The following LMTK2 variants were observed in gnomAD, a reference collection of about 807,000 sequenced individuals.
The protein encoded by LMTK2 is serine/threonine-protein kinase LMTK2.
LMTK2 carries 37 observed loss-of-function variants against 127.5 expected under a neutral mutation model. The ratio of observed to expected loss-of-function variants is 0.29; its 90% CI spans 0.22 to 0.38. The LOEUF (loss-of-function observed/expected upper bound fraction) is 0.38, where lower values mean the gene tolerates loss of function less well. Among genes scored for constraint, LMTK2 ranks in the 10% least tolerant of loss-of-function variants. The pLI is 1.00. For synonymous variants in LMTK2, 819 were observed against 810.1 expected, an observed-to-expected ratio of 1.01 and a Z score of -0.19; for missense variants, 1,694 against 1,920.3, an observed-to-expected ratio of 0.88 and a Z score of 2.20.
intron 1 of LMTK2, among the ~76,000 whole-genome samples, chr7:98,112,841 TC>T (rs1796222385): frequency 6.6e-6 from 1 of 152,106 alleles, no homozygotes; most frequent in Non-Finnish European, 1.5e-5. Flanking sequence ...CAACCTCAGC[TC>T]CCCACTGCAG....
chr7:98,152,325 A>G (rs1258024700), intron 4 of LMTK2, among the ~76,000 whole-genome samples: 1 of 152,262 alleles, frequency 6.6e-6, no homozygotes, highest in African/African-American at 2.4e-5. Context: ...TGGAGTAGGG[A>G]TTACATCGTA....
rs556819706 is a variant in LMTK2, at chr7:98,155,938, A to G, written c.569+1062A>G. ...TGGTAACAGTGAAAAGACGAGCCAC[A>G]GACTGGGAGAAAATAGCTGGAAACC... is the stretch of plus-strand genomic sequence containing the variant. On this transcript the variant is annotated intron_variant, in intron 5 of 13. Coordinates refer to ENST00000297293, the MANE Select transcript of LMTK2 (RefSeq NM_014916.4). Among the ~76,000 whole-genome samples, 4 of 152,332 alleles carry G rather than the reference A, an allele frequency of 2.6e-5. No individual in the cohort carries two copies. In the South Asian group the frequency reaches 8.3e-4, roughly 32 times the overall value.
chr7:98,180,116 A>G (rs1797333878), intron 7 of LMTK2, among the ~76,000 whole-genome samples: 1 of 152,240 alleles, frequency 6.6e-6, no homozygotes. Flanking sequence ...GTATTTTTTG[A>G]ATATTAGCCA....
chr7:98,123,246 C>T (rs961386828), intron 1 of LMTK2, among the ~76,000 whole-genome samples: 1 of 152,220 alleles, frequency 6.6e-6, no homozygotes, highest in African/African-American at 2.4e-5. Flanking sequence ...TATTCACACA[C>T]ATACGTGCAT....
Position 98,107,128 on chromosome 7 carries a change from C to G in LMTK2, c.-50C>G. ...ATCGACTGACGGGCGAACGGACGGA[C>G]GGACGGAAGGCGACTCGAGGGCCGG... On this transcript the variant is annotated 5_prime_UTR_variant, in exon 1 of 14. Transcript: ENST00000297293. 7.5e-7 allele frequency: 1 copy of G among 1,331,746 alleles called. No homozygotes were observed. Among genetic ancestry groups the G allele is most frequent in the East Asian group, 3.1e-5 (1 of 32,332 alleles). The allele number at this position is 1,331,746 out of a possible 1,614,324, so 82.5% of individuals were successfully genotyped here. A position where few individuals can be genotyped will look rare whatever the true frequency, so the allele number is the denominator to read the frequency against.
chr7:98,136,919 T>C (rs1485954601), intron 1 of LMTK2, among the ~76,000 whole-genome samples: 3 of 152,142 alleles, frequency 2.0e-5, no homozygotes, highest in East Asian at 3.8e-4. Context: ...AAATGCAACG[T>C]TGGTAGTTTG....
At chr7:98,152,170 G>T (rs950674902) in intron 4 of LMTK2, among the ~76,000 whole-genome samples, 1 of 152,108 alleles carries the variant, frequency 6.6e-6, no homozygotes, top group Non-Finnish European at 1.5e-5. Context: ...AGACCACCAT[G>T]AACAACTAGT....
intron 2 of LMTK2, among the ~76,000 whole-genome samples, chr7:98,140,380 G>A (rs75607328): frequency 9.4e-4 from 142 of 151,820 alleles, no homozygotes; most frequent in African/African-American, 3.1e-3. Flanking sequence ...TAGAGCTCTC[G>A]GGCTCAAGTG....
chr7:98,143,731 A>G (rs976836731), intron 3 of LMTK2, among the ~76,000 whole-genome samples: 1 of 152,214 alleles, frequency 6.6e-6, no homozygotes, highest in African/African-American at 2.4e-5. Flanking sequence ...GGCAACATGT[A>G]TCAAAATATG....
chr7:98,166,272 G>A (rs1260560728), intron 6 of LMTK2, among the ~76,000 whole-genome samples: 2 of 152,234 alleles, frequency 1.3e-5, no homozygotes, highest in African/African-American at 4.8e-5. Flanking sequence ...TATAACCAAG[G>A]TGTGCACCTG....
chr7:98,173,747 T>C (rs1233626698), intron 7 of LMTK2, among the ~76,000 whole-genome samples: 2 of 152,198 alleles, frequency 1.3e-5, no homozygotes, highest in Non-Finnish European at 2.9e-5. Context: ...ATTCAAGTTC[T>C]AAAACTCAAG....
At chr7:98,126,101 G>C (rs1423208976) in intron 1 of LMTK2, among the ~76,000 whole-genome samples, 1 of 152,156 alleles carries the variant, frequency 6.6e-6, no homozygotes, top group Non-Finnish European at 1.5e-5. Context: ...TAGGAGATTT[G>C]AAAGAAAAAG....
intron 8 of LMTK2, among the ~76,000 whole-genome samples, chr7:98,186,236 G>T (rs963569928): frequency 1.3e-5 from 2 of 151,986 alleles, no homozygotes; most frequent in African/African-American, 2.4e-5. Flanking sequence ...GCTAATTTTT[G>T]TATTTTTAGT....
chr7:98,185,354 C>T (rs58547183), intron 8 of LMTK2, among the ~76,000 whole-genome samples: 239 of 152,126 alleles, frequency 1.6e-3, no homozygotes, highest in African/African-American at 5.5e-3. Context: ...CCAAAAGTTT[C>T]GTTTAAAAAT....
chr7:98,195,407 G>C (rs914781373), intron 11 of LMTK2, among the ~76,000 whole-genome samples: 5 of 152,028 alleles, frequency 3.3e-5, no homozygotes, highest in Non-Finnish European at 1.5e-5. Context: ...AGCTTAGTGT[G>C]CACTGCTGAG....
intron 3 of LMTK2, among the ~76,000 whole-genome samples, chr7:98,143,766 A>G (rs537983225): frequency 1.3e-5 from 2 of 152,334 alleles, no homozygotes; most frequent in South Asian, 2.1e-4. Flanking sequence ...TTGATCGAGC[A>G]GTTCCACTTT....
intron 1 of LMTK2, 118 bp from the exon 2 acceptor site, chr7:98,137,197 G>C (rs17169359): frequency 1.1e-5 from 10 of 887,524 alleles, no homozygotes; most frequent in East Asian, 1.1e-4. Context: ...GCTTTTTCTC[G>C]AGCATTATTT....
At chr7:98,195,170 A>G (rs1165463067) in intron 11 of LMTK2, among the ~76,000 whole-genome samples, 7 of 152,238 alleles carry the variant, frequency 4.6e-5, no homozygotes, top group Admixed American at 6.5e-5. Context: ...GGCATGAGCC[A>G]CTGCGCTTGG....
chr7:98,172,046 A>G (rs1797200411), intron 7 of LMTK2, among the ~76,000 whole-genome samples: 1 of 152,130 alleles, frequency 6.6e-6, no homozygotes, highest in Non-Finnish European at 1.5e-5. Flanking sequence ...GGTGCATCCC[A>G]GTTCACATTC....
Sources: allele counts gnomAD v4.1 joint callset (sites outside exome capture counted in the v4.1 genomes callset), GRCh38; gene constraint gnomAD v4.1.1; transcripts MANE v1.5; gene names NCBI Gene and HGNC (gene_info 2026-07-23, HGNC 2026-07-21).